The following RBM33 variants were observed in gnomAD, a reference collection of about 807,000 sequenced individuals.
RBM33 encodes RNA-binding protein 33.
In RBM33, 28 loss-of-function variants were observed where a neutral mutation model predicts 132.6. The observed-to-expected ratio is 0.21, with a 90% CI of 0.16 to 0.29. RBM33 has a LOEUF of 0.29. RBM33 is among the 10% of genes least tolerant of loss of function. The pLI, the probability that RBM33 is intolerant of heterozygous loss-of-function variation, is 1.00. For missense variants in RBM33, 1,291 were observed against 1,518.5 expected, an observed-to-expected ratio of 0.85 and a Z score of 2.49; for synonymous variants, 634 against 593.0, an observed-to-expected ratio of 1.07 and a Z score of -1.01.
intron 14 of RBM33, among the ~76,000 whole-genome samples, chr7:155,758,982 C>T (rs1030617644): frequency 3.9e-5 from 6 of 152,190 alleles, no homozygotes; most frequent in Admixed American, 3.9e-4. Context: ...AAGGCCCACC[C>T]GGCCCCACGG....
intron 8 of RBM33, among the ~76,000 whole-genome samples, chr7:155,717,642 C>G (rs1286581374): frequency 6.6e-6 from 1 of 152,130 alleles, no homozygotes; most frequent in Non-Finnish European, 1.5e-5. Context: ...CGTAGCTGCA[C>G]TTAGATTGTG....
At chr7:155,752,427 T>G (rs1034355716) in intron 14 of RBM33, among the ~76,000 whole-genome samples, 4 of 152,254 alleles carry the variant, frequency 2.6e-5, no homozygotes, top group Non-Finnish European at 5.9e-5. Context: ...TATTTTGATT[T>G]CATTTTTTGA....
chr7:155,650,359 T>G (rs918527237), intron 1 of RBM33, among the ~76,000 whole-genome samples: 5 of 152,234 alleles, frequency 3.3e-5, no homozygotes, highest in African/African-American at 1.2e-4. Context: ...TTTCTCTGCA[T>G]CTGTTGTGAT....
At chr7:155,669,256 C>T (rs17837562) in intron 2 of RBM33, among the ~76,000 whole-genome samples, 97,975 of 152,008 alleles carry the variant, frequency 0.64, 32,486 homozygotes, top group South Asian at 0.77. Context: ...AATATGATGT[C>T]ATTGCTGAAC....
At chr7:155,741,653 CATTT>C (rs1801339410) in intron 12 of RBM33, among the ~76,000 whole-genome samples, 162 bp from the exon 13 acceptor site, 1 of 152,134 alleles carries the variant, frequency 6.6e-6, no homozygotes, top group South Asian at 2.1e-4. Context: ...GATCAGGTGA[CATTT>C]ATGTATGAGA....
chr7:155,658,616 G>A (rs1798557584), intron 1 of RBM33, among the ~76,000 whole-genome samples: 1 of 152,070 alleles, frequency 6.6e-6, no homozygotes, highest in Non-Finnish European at 1.5e-5. Context: ...GGTCAGGTTG[G>A]TCTCAAACTC....
rs140976462 is a variant in RBM33 at position 155,763,157 on chromosome 7, T to C, written c.2980-655T>C. ...TTCTTCGTAGAGTAAATGCGCTTCT[T>C]GGAAATCCACGTACTCTGTAGTTGC... On this transcript the variant is annotated intron_variant, in intron 14 of 17. Coordinates refer to ENST00000401878, the MANE Select transcript of RBM33 (RefSeq NM_053043.3). 5.5e-3 allele frequency among the ~76,000 whole-genome samples: 831 copies of C among 152,374 alleles called. 7 individuals are homozygous for C. Among genetic ancestry groups the C allele is most frequent in the Non-Finnish European group, 9.5e-3 (645 of 68,038 alleles).
intron 5 of RBM33, among the ~76,000 whole-genome samples, chr7:155,690,802 C>T (rs1475647892): frequency 6.6e-6 from 1 of 152,314 alleles, no homozygotes; most frequent in South Asian, 2.1e-4. Flanking sequence ...GGACCCCACT[C>T]TCTTCTGGCT....
At chr7:155,709,423 A>G (rs1020852494) in intron 7 of RBM33, among the ~76,000 whole-genome samples, 1 of 151,982 alleles carries the variant, frequency 6.6e-6, no homozygotes, top group Admixed American at 6.5e-5. Flanking sequence ...CCTTTTCCTC[A>G]GTGGTCTCCC....
intron 1 of RBM33, among the ~76,000 whole-genome samples, chr7:155,660,140 G>T (rs1798601084): frequency 6.6e-6 from 1 of 152,172 alleles, no homozygotes; most frequent in African/African-American, 2.4e-5. Flanking sequence ...GTCAGTCATA[G>T]CTGACTGACT....
intron 8 of RBM33, among the ~76,000 whole-genome samples, chr7:155,713,003 A>C (rs553537378): frequency 5.3e-5 from 8 of 152,302 alleles, no homozygotes; most frequent in Non-Finnish European, 5.9e-5. Flanking sequence ...GGTGCAAACC[A>C]GTGTGGTAGC....
intron 5 of RBM33, among the ~76,000 whole-genome samples, chr7:155,681,656 G>C (rs890889051): frequency 6.6e-6 from 1 of 152,080 alleles, no homozygotes; most frequent in Admixed American, 6.5e-5. Flanking sequence ...GGGTTTTTGG[G>C]AACACTATGG....
intron 5 of RBM33, among the ~76,000 whole-genome samples, 186 bp from the exon 6 acceptor site, chr7:155,700,587 G>A (rs1430973421): frequency 1.4e-5 from 1 of 69,886 alleles, no homozygotes; most frequent in African/African-American, 5.2e-5. Flanking sequence ...AACATTAACT[G>A]TTAATGTTTA....
intron 6 of RBM33, among the ~76,000 whole-genome samples, chr7:155,703,388 C>T (rs964027715): frequency 6.6e-6 from 1 of 152,122 alleles, no homozygotes; most frequent in Admixed American, 6.5e-5. Flanking sequence ...CCCTTAGAGG[C>T]AGAGTAGCTA....
intron 14 of RBM33, among the ~76,000 whole-genome samples, chr7:155,750,936 G>A (rs1407022267): frequency 6.6e-6 from 1 of 152,130 alleles, no homozygotes; most frequent in Admixed American, 6.5e-5. Flanking sequence ...CTGTCCAATT[G>A]TGATGCTCTT....
intron 6 of RBM33, among the ~76,000 whole-genome samples, chr7:155,703,890 T>C (rs1477700280): frequency 6.6e-6 from 1 of 152,212 alleles, no homozygotes; most frequent in Non-Finnish European, 1.5e-5. Context: ...TTGCCTACTC[T>C]GTAATGGGAT....
At chr7:155,737,710 G>A (rs1801176316) in intron 10 of RBM33, 48 bp downstream of exon 10, 4 of 1,496,630 alleles carry the variant, frequency 2.7e-6, no homozygotes, top group African/African-American at 2.8e-5. Flanking sequence ...GCTGCATTGG[G>A]TGATGTGCCC....
rs575196775 is a variant in RBM33 at position 155,769,146 on chromosome 7, T to C, written c.3375+2491T>C. The stretch of plus-strand genomic sequence containing the variant: ...CCAGAAGATGGTCTTCCAAAAAGTT[T>C]CGAACTGTAACCATGTTTCAGAAAT... On this transcript the variant is annotated intron_variant, in intron 16 of 17. Coordinates refer to ENST00000401878, the MANE Select transcript of RBM33 (RefSeq NM_053043.3). Among the ~76,000 whole-genome samples the C allele has an allele frequency of 1.4e-3, 213 of 152,334 alleles. 4 individuals carry two copies. Among genetic ancestry groups the C allele is most frequent in the African/African-American group, 4.9e-3 (203 of 41,592 alleles).
chr7:155,644,787 C>A lies in RBM33; in HGVS notation c.-90C>A. On this transcript the variant is annotated 5_prime_UTR_variant, in exon 1 of 18. Coordinates refer to ENST00000401878, the MANE Select transcript of RBM33 (RefSeq NM_053043.3). Reference sequence around the variant, plus strand: ...CCTGCAGCCCCCTCCCTTCTCTGTCCTCCGTCACCCGTACCCGGGCCCGGA... The same window carrying A: ...CCTGCAGCCCCCTCCCTTCTCTGTCATCCGTCACCCGTACCCGGGCCCGGA... The A allele has an allele frequency of 8.6e-7, 1 of 1,158,248 alleles. No individual in the cohort carries two copies. The highest frequency in any genetic ancestry group is 1.7e-5 in the South Asian group (1 of 59,528). 71.7% of individuals were successfully genotyped at this position (1,158,248 alleles called of 1,614,324 possible). A position where few individuals can be genotyped will look rare whatever the true frequency, so the allele number is the denominator to read the frequency against.
Sources: gnomAD v4.1 joint callset for allele counts (sites outside exome capture counted in the v4.1 genomes callset) on GRCh38, gnomAD v4.1.1 for gene constraint, MANE v1.5 for transcripts, NCBI Gene and HGNC (gene_info 2026-07-23, HGNC 2026-07-21) for gene names.